Variants in PRKDC observed in about 807,000 individuals in gnomAD.
The protein encoded by PRKDC is DNA-dependent protein kinase catalytic subunit.
In PRKDC, 82 loss-of-function variants were observed where a neutral mutation model predicts 486.9. The observed-to-expected ratio is 0.17, with a 90% CI of 0.14 to 0.20. The LOEUF (loss-of-function observed/expected upper bound fraction) is 0.20. Ranked by LOEUF, PRKDC falls within the 10% of genes least tolerant of loss-of-function variation. PRKDC has a pLI of 1.00. For synonymous variants in PRKDC, 1,895 were observed against 1,837.0 expected (o/e 1.03, Z -0.81); for missense variants, 4,504 against 5,038.2 (o/e 0.89, Z 3.21).
In PRKDC at chr8:47,826,726, G is replaced by A. The variant is rs1443789496; in HGVS notation, c.8713C>T (p.Leu2905=). 1 of 1,613,356 alleles carries A rather than the reference G, an allele frequency of 6.2e-7. No homozygotes were observed. Among genetic ancestry groups the A allele is most frequent in the South Asian group, 1.1e-5 (1 of 90,976 alleles). Residue 2905 remains leucine, a synonymous_variant, in exon 63 of 86, where the codon CTG becomes TTG. Coordinates refer to ENST00000314191, the MANE Select transcript of PRKDC (RefSeq NM_006904.7). The part of the protein sequence containing the change: ...EALLRLLPAE[L]PAKRVRGKAR... ...TTCCCACGGACTCGCTTGGCAGGCA[G>A]CTCAGCAGGCAGCAGGCGGAGCAGA...
Position 47,773,711 on chromosome 8 carries a change from C to T in PRKDC, c.*462G>A. 1 of 227,386 alleles carries T rather than the reference C, an allele frequency of 4.4e-6. No homozygotes were observed. The highest frequency in any genetic ancestry group is 8.7e-6 in the Non-Finnish European group (1 of 114,540). 14.1% of individuals were successfully genotyped at this position (227,386 alleles called of 1,614,324 possible). On this transcript the variant is annotated 3_prime_UTR_variant, in exon 86 of 86. Coordinates refer to ENST00000314191, the MANE Select transcript of PRKDC (RefSeq NM_006904.7). The stretch of plus-strand genomic sequence containing the variant: ...TGTTCTTATTGTTCCTATGCTGCTT[C>T]TACAATGTTACATCAACTATACTTA...
chr8:47,794,574 C>A, intron 73 of PRKDC, 73 bp from the exon 74 acceptor site: 1 of 1,268,352 alleles, frequency 7.9e-7, no homozygotes, highest in Non-Finnish European at 1.1e-6. Flanking sequence ...AACATATGTC[C>A]AAAATAAAGA....
intron 44 of PRKDC, 112 bp from the exon 45 acceptor site, chr8:47,861,083 A>G: frequency 2.6e-6 from 2 of 761,980 alleles, no homozygotes; most frequent in African/African-American, 1.8e-5. Context: ...AAACAAAACA[A>G]AACAAATTTA....
chr8:47,848,416 T>C (rs943580032), intron 54 of PRKDC, among the ~76,000 whole-genome samples: 1 of 152,142 alleles, frequency 6.6e-6, no homozygotes, highest in Non-Finnish European at 1.5e-5. Context: ...CTTACTCATA[T>C]GTGGGAGCTA....
Position 47,913,981 on chromosome 8 carries a change from T to A in PRKDC, c.2701A>T (p.Met901Leu). 1.9e-6 allele frequency: 3 copies of A among 1,611,480 alleles called. No homozygotes were observed. Among genetic ancestry groups the A allele is most frequent in the Non-Finnish European group, 2.5e-6 (3 of 1,178,658 alleles). Residue 901 changes from methionine to leucine, a missense_variant, in exon 24 of 86, where the codon ATG (methionine) becomes TTG (leucine). Met to Leu is a conservative substitution (Grantham distance 15, BLOSUM62 2). This residue lies in a region of PRKDC where 1,969 missense variants were observed against 2,068.9 expected (regional missense o/e 0.95). Transcript: ENST00000314191. ...RLSFAVPFRE[M>L]KPVIFLDVFL... Reference sequence around the variant, plus strand: ...ACATCCAGGAAAATGACAGGTTTCATCTCTCTAAAGGGCACTGCAAAGCTC... The same window carrying A: ...ACATCCAGGAAAATGACAGGTTTCAACTCTCTAAAGGGCACTGCAAAGCTC...
chr8:47,946,591 G>A (rs1034097043), intron 7 of PRKDC, among the ~76,000 whole-genome samples: 4 of 151,894 alleles, frequency 2.6e-5, no homozygotes, highest in East Asian at 1.9e-4. Context: ...GAGACCCTCC[G>A]CCTGGTCTCT....
chr8:47,892,138 G>A (rs2089473705), intron 31 of PRKDC, among the ~76,000 whole-genome samples: 1 of 152,074 alleles, frequency 6.6e-6, no homozygotes, highest in Non-Finnish European at 1.5e-5. Flanking sequence ...CCAAATTGCT[G>A]GGATTACAGG....
At chr8:47,841,188 G>A (rs968835685) in intron 54 of PRKDC, among the ~76,000 whole-genome samples, 1 of 152,192 alleles carries the variant, frequency 6.6e-6, no homozygotes, top group African/African-American at 2.4e-5. Flanking sequence ...GAATTGGTAG[G>A]GAACTGTCAG....
intron 36 of PRKDC, among the ~76,000 whole-genome samples, chr8:47,883,516 T>A (rs143657471): frequency 6.6e-6 from 1 of 152,172 alleles, no homozygotes; most frequent in Admixed American, 6.5e-5. Context: ...TCCTGACCCC[T>A]GCCCTCCGGA....
intron 76 of PRKDC, among the ~76,000 whole-genome samples, chr8:47,787,671 T>G (rs1438201430): frequency 6.6e-6 from 1 of 152,168 alleles, no homozygotes; most frequent in African/African-American, 2.4e-5. Flanking sequence ...GGGTAAGAAC[T>G]GTGCTCCCCA....
Position 47,959,330 on chromosome 8 carries a change from T to C in PRKDC, c.154+643A>G, listed in dbSNP as rs988970551. The C allele has an allele frequency of 2.6e-5, 4 of 152,122 alleles. No individual in the cohort carries two copies. The East Asian group carries it at 5.8e-4, about 22-fold the overall frequency. The allele number at this position is 152,122 out of a possible 1,614,324, so 9.4% of individuals were successfully genotyped here. ...TTTTTCTCAAAGTAGGAACGGCAAATAGAGGGGTTTGGAAAAGGTACTGGT... is the reference window on the plus strand; with the variant it reads ...TTTTTCTCAAAGTAGGAACGGCAAACAGAGGGGTTTGGAAAAGGTACTGGT... On this transcript the variant is annotated intron_variant, in intron 1 of 85. Transcript: ENST00000314191.
At chr8:47,803,195 C>T in intron 70 of PRKDC, 111 bp downstream of exon 70, 1 of 1,106,694 alleles carries the variant, frequency 9.0e-7, no homozygotes, top group Non-Finnish European at 1.2e-6. Flanking sequence ...GAAATTACTG[C>T]AAAGATTTAC....
chr8:47,814,933 T>G (rs948680795), intron 68 of PRKDC, among the ~76,000 whole-genome samples: 4 of 151,990 alleles, frequency 2.6e-5, no homozygotes, highest in Non-Finnish European at 5.9e-5. Flanking sequence ...GAGGCTGAGG[T>G]GGGCGTGTTG....
In PRKDC at chr8:47,881,071, A is replaced by C. The variant is rs557265846; in HGVS notation, c.5067+345T>G. On this transcript the variant is annotated intron_variant, in intron 38 of 85. Coordinates refer to ENST00000314191, the MANE Select transcript of PRKDC (RefSeq NM_006904.7). The stretch of plus-strand genomic sequence containing the variant: ...AAAAAAAAAAAAAAAAGAAAGCAAG[A>C]AAGCAAGAAAGCAAGAAAGCAAGCA... Among the ~76,000 whole-genome samples the C allele has an allele frequency of 3.2e-3, 486 of 150,754 alleles. 2 individuals are homozygous for C. Among genetic ancestry groups the C allele is most frequent in the Non-Finnish European group, 4.9e-3 (329 of 67,800 alleles).
chr8:47,818,578 CAAAAAAAAAAAAAA>C (rs1174698261), intron 67 of PRKDC, among the ~76,000 whole-genome samples: 1 of 36,118 alleles, frequency 2.8e-5, no homozygotes, highest in South Asian at 1.2e-3. Context: ...GACTCCGTCT[CAAAAAAAAAAAAAA>C]AAAAAAAAAA....
chr8:47,797,106 G>A (rs899091851), intron 73 of PRKDC, among the ~76,000 whole-genome samples: 1 of 152,252 alleles, frequency 6.6e-6, no homozygotes, highest in East Asian at 1.9e-4. Flanking sequence ...CAAGCTTCCT[G>A]AGTGCACGTG....
At chr8:47,943,809 T>C in intron 9 of PRKDC, 44 bp downstream of exon 9, 1 of 1,450,878 alleles carries the variant, frequency 6.9e-7, no homozygotes, top group Non-Finnish European at 9.4e-7. Flanking sequence ...AGATGTTAAT[T>C]TAGTAATCTA....
At chr8:47,949,057 TA>T (rs2090584576) in intron 7 of PRKDC, among the ~76,000 whole-genome samples, 1 of 152,248 alleles carries the variant, frequency 6.6e-6, no homozygotes, top group South Asian at 2.1e-4. Context: ...CAAGAGGCTC[TA>T]GGGGAGAACC....
chr8:47,902,004 T>C (rs984172120), intron 27 of PRKDC, among the ~76,000 whole-genome samples: 6 of 152,150 alleles, frequency 3.9e-5, no homozygotes, highest in African/African-American at 1.4e-4. Context: ...GAAATCTAAA[T>C]GCATCTCTCC....
Sources: gnomAD v4.1 joint callset for allele counts (sites outside exome capture counted in the v4.1 genomes callset) on GRCh38, gnomAD v4.1.1 for gene constraint, gnomAD v4.1.1 regional missense constraint, MANE v1.5 for transcripts, NCBI Gene and HGNC (gene_info 2026-07-23, HGNC 2026-07-21) for gene names.